COMMD10: variants seen among roughly 807,000 people sequenced by gnomAD.
The protein encoded by COMMD10 is COMM domain containing 10, also known as COMM domain-containing protein 10.
Under a neutral mutation model 28.9 loss-of-function variants are expected in COMMD10, and 33 were observed. The observed-to-expected ratio is 1.14, with a 90% confidence interval of 0.87 to 1.53. The LOEUF (loss-of-function observed/expected upper bound fraction) is 1.53. Among genes scored for constraint, COMMD10 ranks in the 40% most tolerant of loss-of-function variants. The pLI is 0.00. For missense variants in COMMD10, 310 were observed against 233.4 expected, an observed-to-expected ratio of 1.33 and a Z score of -2.14; for synonymous variants, 110 against 81.7, an observed-to-expected ratio of 1.35 and a Z score of -1.87.
At chr5:116,159,280 C>G (rs1752840543) in intron 5 of COMMD10, among the ~76,000 whole-genome samples, 1 of 152,160 alleles carries the variant, frequency 6.6e-6, no homozygotes, top group Non-Finnish European at 1.5e-5. Flanking sequence ...TCTGTTATGA[C>G]CATAGAAGTT....
intron 4 of COMMD10, among the ~76,000 whole-genome samples, chr5:116,124,930 T>C (rs1183348551): frequency 6.6e-6 from 1 of 152,188 alleles, no homozygotes; most frequent in Non-Finnish European, 1.5e-5. Context: ...TAGATCTTCC[T>C]CTATCCCTTT....
chr5:116,218,531 C>T (rs1023100600), intron 5 of COMMD10, among the ~76,000 whole-genome samples: 2 of 152,114 alleles, frequency 1.3e-5, no homozygotes, highest in African/African-American at 4.8e-5. Flanking sequence ...TTCTTAATGA[C>T]AGCAAAATGC....
chr5:116,291,239 A>C (rs1223962585), intron 5 of COMMD10, among the ~76,000 whole-genome samples: 2 of 152,200 alleles, frequency 1.3e-5, no homozygotes, highest in Non-Finnish European at 2.9e-5. Context: ...TCTTGAAAAA[A>C]TTAGATAATA....
chr5:116,148,858 T>A (rs1752423461), intron 5 of COMMD10, among the ~76,000 whole-genome samples: 2 of 151,918 alleles, frequency 1.3e-5, no homozygotes, highest in South Asian at 4.1e-4. Flanking sequence ...TTTATTATTA[T>A]TATACTTTAA....
At chr5:116,156,218 G>T (rs907695439) in intron 5 of COMMD10, among the ~76,000 whole-genome samples, 2 of 152,140 alleles carry the variant, frequency 1.3e-5, no homozygotes, top group Non-Finnish European at 2.9e-5. Flanking sequence ...TGAAGGACCA[G>T]TGGTGGCACT....
rs548344496 is a variant in COMMD10, at chr5:116,282,378, C to T, written c.511-9139C>T. On this transcript the variant is annotated intron_variant, in intron 5 of 6. Transcript: ENST00000274458. ...TGGAGAAACTCCAAACTGGTTTCTC[C>T]ATATACAGTTCAGCCAGTTCTAATT... Among the ~76,000 whole-genome samples the T allele has an allele frequency of 4.9e-3, 751 of 151,970 alleles. 16 individuals are homozygous for T. The highest frequency in any genetic ancestry group is 0.016 in the African/African-American group (641 of 41,276).
intron 5 of COMMD10, among the ~76,000 whole-genome samples, chr5:116,265,271 A>G (rs1203119752): frequency 6.6e-6 from 1 of 151,716 alleles, no homozygotes; most frequent in Non-Finnish European, 1.5e-5. Flanking sequence ...TATCCCCAAA[A>G]GTCAGGATTT....
chr5:116,222,512 A>G lies in COMMD10; in HGVS notation c.511-69005A>G, dbSNP rs1300158157. Among the ~76,000 whole-genome samples the G allele has an allele frequency of 2.0e-5, 3 of 152,196 alleles. No homozygotes were observed. In the East Asian group the frequency reaches 5.8e-4, roughly 29 times the overall value. On this transcript the variant is annotated intron_variant, in intron 5 of 6. Coordinates refer to ENST00000274458, the MANE Select transcript of COMMD10 (RefSeq NM_016144.4). ...GAATATGATTTTAGAAGTAGAATAA[A>G]GTCTACTTGTATTTGTAAAGTTGAC...
chr5:116,247,083 G>A (rs752180567), intron 5 of COMMD10, among the ~76,000 whole-genome samples: 7 of 151,574 alleles, frequency 4.6e-5, no homozygotes, highest in Admixed American at 6.6e-5. Flanking sequence ...TCCAACAAAG[G>A]TCTAATATCT....
chr5:116,206,796 C>T (rs1331230473), intron 5 of COMMD10, among the ~76,000 whole-genome samples: 1 of 152,064 alleles, frequency 6.6e-6, no homozygotes, highest in Non-Finnish European at 1.5e-5. Flanking sequence ...AATAAGCAAA[C>T]CTCTTTGGCA....
chr5:116,257,351 C>T (rs771090327), intron 5 of COMMD10, among the ~76,000 whole-genome samples: 20 of 151,686 alleles, frequency 1.3e-4, no homozygotes, highest in Non-Finnish European at 2.4e-4. Context: ...AACTTGTTGT[C>T]TACTGAGTAA....
chr5:116,223,513 T>A (rs1362130380), intron 5 of COMMD10, among the ~76,000 whole-genome samples: 7 of 152,198 alleles, frequency 4.6e-5, no homozygotes, highest in Admixed American at 4.6e-4. Context: ...AATTTCTAAT[T>A]AGAAATTTTA....
At chr5:116,222,726 C>T (rs981841762) in intron 5 of COMMD10, among the ~76,000 whole-genome samples, 10 of 152,148 alleles carry the variant, frequency 6.6e-5, no homozygotes, top group African/African-American at 2.4e-4. Context: ...GAGTCTTGCT[C>T]TGTTGCCCAG....
chr5:116,235,742 G>A (rs1749643945), intron 5 of COMMD10, among the ~76,000 whole-genome samples: 1 of 152,108 alleles, frequency 6.6e-6, no homozygotes, highest in Admixed American at 6.6e-5. Flanking sequence ...ACATTCTTGT[G>A]TTGGTAACAT....
At chr5:116,144,804 G>C (rs1009106104) in intron 5 of COMMD10, among the ~76,000 whole-genome samples, 2 of 151,870 alleles carry the variant, frequency 1.3e-5, no homozygotes, top group African/African-American at 4.8e-5. Flanking sequence ...TGGAAGTAGT[G>C]ATACAGGTAA....
At chr5:116,153,086 G>T (rs975174044) in intron 5 of COMMD10, among the ~76,000 whole-genome samples, 6 of 152,036 alleles carry the variant, frequency 3.9e-5, no homozygotes, top group African/African-American at 1.4e-4. Context: ...ACACATGAAT[G>T]ACCTTTATGA....
At chr5:116,148,083 T>C (rs1048293407) in intron 5 of COMMD10, among the ~76,000 whole-genome samples, 1 of 151,886 alleles carries the variant, frequency 6.6e-6, no homozygotes, top group African/African-American at 2.4e-5. Context: ...CAGCAGTACA[T>C]TTGCCTTTAA....
intron 5 of COMMD10, among the ~76,000 whole-genome samples, chr5:116,152,069 T>C (rs2112553706): frequency 6.6e-6 from 1 of 152,292 alleles, no homozygotes; most frequent in South Asian, 2.1e-4. Context: ...TTTGTTCTCA[T>C]TGGTTCAAAA....
chr5:116,139,191 T>A (rs1027413171), intron 5 of COMMD10, among the ~76,000 whole-genome samples: 1 of 151,800 alleles, frequency 6.6e-6, no homozygotes, highest in Non-Finnish European at 1.5e-5. Context: ...GGATTATCGT[T>A]ACATGGACTC....
Sources: gnomAD v4.1 joint callset for allele counts (sites outside exome capture counted in the v4.1 genomes callset) on GRCh38, gnomAD v4.1.1 for gene constraint, MANE v1.5 for transcripts, NCBI Gene and HGNC (gene_info 2026-07-23, HGNC 2026-07-21) for gene names.